The following SMURF2 variants were observed in gnomAD, a reference collection of about 807,000 sequenced individuals.
SMURF2 encodes the protein SMAD specific E3 ubiquitin protein ligase 2, also known as E3 ubiquitin-protein ligase SMURF2.
Under a neutral mutation model 109.6 loss-of-function variants are expected in SMURF2, and 48 were observed. The observed-to-expected ratio is 0.44, with a 90% CI of 0.35 to 0.56. SMURF2 has a LOEUF of 0.56. Among genes scored for constraint, SMURF2 ranks in the 20% least tolerant of loss-of-function variants. SMURF2 has a pLI of 0.01. For synonymous variants in SMURF2, 288 were observed against 317.1 expected, an observed-to-expected ratio of 0.91 and a Z score of 0.97; for missense variants, 575 against 909.0, an observed-to-expected ratio of 0.63 and a Z score of 4.72.
intron 6 of SMURF2, among the ~76,000 whole-genome samples, 197 bp from the exon 7 acceptor site, chr17:64,583,741 A>G (rs782701382): frequency 1.2e-4 from 19 of 152,202 alleles, no homozygotes; most frequent in Non-Finnish European, 2.1e-4. Context: ...TAAAGTATTT[A>G]TGCTGAGGTG....
intron 7 of SMURF2, among the ~76,000 whole-genome samples, chr17:64,582,201 G>C (rs1182426585): frequency 6.6e-6 from 1 of 152,122 alleles, no homozygotes; most frequent in East Asian, 1.9e-4. Context: ...GCTTTTACCT[G>C]AGAATTATAA....
chr17:64,613,441 G>C (rs543401619), intron 1 of SMURF2, among the ~76,000 whole-genome samples: 2 of 152,252 alleles, frequency 1.3e-5, no homozygotes, highest in Admixed American at 1.3e-4. Context: ...TGGGACTAGG[G>C]AGGGGTGGCA....
At chr17:64,561,242 T>TA (rs1969213007) in intron 12 of SMURF2, among the ~76,000 whole-genome samples, 1 of 152,184 alleles carries the variant, frequency 6.6e-6, no homozygotes, top group African/African-American at 2.4e-5. Context: ...ATAATGTACT[T>TA]AAAGAGAGAG....
chr17:64,637,277 C>T (rs564553046), intron 1 of SMURF2, among the ~76,000 whole-genome samples: 13 of 151,992 alleles, frequency 8.6e-5, no homozygotes, highest in Middle Eastern at 3.4e-3. Flanking sequence ...CAGGTGCCTG[C>T]CACCATTCCT....
At chr17:64,656,087 AGTTT>A (rs879525978) in intron 1 of SMURF2, among the ~76,000 whole-genome samples, 3 of 152,224 alleles carry the variant, frequency 2.0e-5, no homozygotes, top group Non-Finnish European at 4.4e-5. Flanking sequence ...CAGGGGAAAT[AGTTT>A]ATTAAACCAT....
chr17:64,601,749 G>A (rs1188679266), intron 2 of SMURF2, among the ~76,000 whole-genome samples: 4 of 151,840 alleles, frequency 2.6e-5, no homozygotes, highest in Non-Finnish European at 5.9e-5. Flanking sequence ...ACTTGCACAC[G>A]CAGGTTTGTA....
intron 5 of SMURF2, among the ~76,000 whole-genome samples, chr17:64,586,392 A>G (rs1188862940): frequency 2.6e-5 from 4 of 152,172 alleles, no homozygotes; most frequent in African/African-American, 9.7e-5. Flanking sequence ...CGTTCATGGA[A>G]GAAGCCTAAT....
At chr17:64,614,167 G>A (rs538347028) in intron 1 of SMURF2, among the ~76,000 whole-genome samples, 1 of 152,070 alleles carries the variant, frequency 6.6e-6, no homozygotes, top group Non-Finnish European at 1.5e-5. Context: ...CCAGGGTTGA[G>A]GACCCCTGGC....
intron 1 of SMURF2, among the ~76,000 whole-genome samples, chr17:64,651,222 T>C (rs1970634714): frequency 6.7e-6 from 1 of 150,242 alleles, no homozygotes; most frequent in Non-Finnish European, 1.5e-5. Flanking sequence ...TGTGTATATA[T>C]ATATGCTTAC....
chr17:64,578,092 C>T (rs1211027176), intron 9 of SMURF2, among the ~76,000 whole-genome samples: 4 of 151,830 alleles, frequency 2.6e-5, no homozygotes, highest in African/African-American at 9.7e-5. Context: ...ATTACAGGCA[C>T]GCGCCACCAC....
chr17:64,555,477 C>T (rs912124634), intron 14 of SMURF2, among the ~76,000 whole-genome samples: 5 of 152,176 alleles, frequency 3.3e-5, no homozygotes, highest in African/African-American at 2.4e-5. Flanking sequence ...TTCCAACAAT[C>T]GCCACTTCAT....
chr17:64,579,135 A>G (rs1244170233), intron 8 of SMURF2, among the ~76,000 whole-genome samples: 12 of 152,212 alleles, frequency 7.9e-5, no homozygotes, highest in African/African-American at 2.9e-4. Context: ...AAAATAGCCA[A>G]ATTAGAAAGA....
chr17:64,655,454 C>T (rs1470000510), intron 1 of SMURF2, among the ~76,000 whole-genome samples: 1 of 151,476 alleles, frequency 6.6e-6, no homozygotes, highest in African/African-American at 2.4e-5. Context: ...GACAGGGTTT[C>T]ACCATGTTGG....
intron 5 of SMURF2, among the ~76,000 whole-genome samples, chr17:64,586,496 C>A (rs1555687095): frequency 6.6e-6 from 1 of 151,984 alleles, no homozygotes; most frequent in Non-Finnish European, 1.5e-5. Flanking sequence ...TGCCTGTAAT[C>A]CCAGCACTTT....
At chr17:64,619,774 T>C (rs1970178738) in intron 1 of SMURF2, among the ~76,000 whole-genome samples, 1 of 152,084 alleles carries the variant, frequency 6.6e-6, no homozygotes, top group Non-Finnish European at 1.5e-5. Context: ...TCCACCCTCA[T>C]GACCTCATTA....
chr17:64,580,440 T>C (rs533319022), intron 8 of SMURF2, among the ~76,000 whole-genome samples: 2 of 152,366 alleles, frequency 1.3e-5, no homozygotes, highest in South Asian at 4.1e-4. Flanking sequence ...AACTTCAGAT[T>C]ACCGTTATCA....
intron 5 of SMURF2, among the ~76,000 whole-genome samples, chr17:64,587,272 G>A (rs1220494660): frequency 2.6e-5 from 4 of 152,198 alleles, no homozygotes; most frequent in Admixed American, 6.5e-5. Flanking sequence ...TGGATTGATG[G>A]AGTTTTAACA....
intron 2 of SMURF2, among the ~76,000 whole-genome samples, chr17:64,600,182 G>A (rs1969874708): frequency 6.6e-6 from 1 of 152,122 alleles, no homozygotes; most frequent in Admixed American, 6.6e-5. Flanking sequence ...CCTGAATGAG[G>A]GAAGTCATGT....
intron 11 of SMURF2, among the ~76,000 whole-genome samples, chr17:64,561,953 T>G (rs1969226215): frequency 6.6e-6 from 1 of 152,016 alleles, no homozygotes; most frequent in Non-Finnish European, 1.5e-5. Context: ...TGAGCTATGA[T>G]CATGCCACTG....
Sources: gnomAD v4.1 joint callset for allele counts (sites outside exome capture counted in the v4.1 genomes callset) on GRCh38, gnomAD v4.1.1 for gene constraint, MANE v1.5 for transcripts, NCBI Gene and HGNC (gene_info 2026-07-23, HGNC 2026-07-21) for gene names.